Variants in EIF4EBP1 observed in about 807,000 individuals in gnomAD.
EIF4EBP1 encodes the protein eukaryotic translation initiation factor 4E binding protein 1, also known as eukaryotic translation initiation factor 4E-binding protein 1.
A neutral mutation model predicts 9.2 loss-of-function variants in EIF4EBP1; 5 were observed. The observed-to-expected ratio is 0.54, with a 90% confidence interval of 0.28 to 1.14. EIF4EBP1 has a LOEUF of 1.14. EIF4EBP1 is among the 50% of genes most tolerant of loss of function. The probability of loss-of-function intolerance (pLI) is 0.09; values close to 1 mark genes in which losing one functional copy is unlikely to be tolerated. For synonymous variants in EIF4EBP1, 62 were observed against 67.0 expected (o/e 0.93, Z 0.36); for missense variants, 139 against 169.6 (o/e 0.82, Z 1.00).
rs762244825 is a variant in EIF4EBP1 at position 38,060,316 on chromosome 8, C to T, written c.*381C>T. 3 of 315,006 alleles carry T rather than the reference C, an allele frequency of 9.5e-6. No individual in the cohort carries two copies. Among genetic ancestry groups the T allele is most frequent in the East Asian group, 7.3e-5 (1 of 13,618 alleles). The allele number at this position is 315,006 out of a possible 1,614,324, so 19.5% of individuals were successfully genotyped here. ...ATGTGCTTGGGAAAGCTCCCTCCCC[C>T]TCCTTCCCCAAGAGAGGAAATAAAA... On this transcript the variant is annotated 3_prime_UTR_variant, in exon 3 of 3. Transcript: ENST00000338825.
intron 1 of EIF4EBP1, among the ~76,000 whole-genome samples, chr8:38,049,663 G>C (rs1006120223): frequency 6.6e-6 from 1 of 151,766 alleles, no homozygotes; most frequent in Admixed American, 6.6e-5. Flanking sequence ...TGTATTTTTA[G>C]TAGAGATGGG....
chr8:38,049,657 T>C (rs1276291482), intron 1 of EIF4EBP1, among the ~76,000 whole-genome samples: 2 of 151,914 alleles, frequency 1.3e-5, no homozygotes, highest in Non-Finnish European at 2.9e-5. Flanking sequence ...AATTTTTGTA[T>C]TTTTAGTAGA....
intron 1 of EIF4EBP1, among the ~76,000 whole-genome samples, chr8:38,054,971 C>T (rs1199294511): frequency 2.0e-5 from 3 of 152,168 alleles, no homozygotes; most frequent in Non-Finnish European, 2.9e-5. Context: ...TGGTTCTTTA[C>T]ACCCCTCCTC....
chr8:38,049,834 T>C (rs1379401467), intron 1 of EIF4EBP1, among the ~76,000 whole-genome samples: 8 of 152,098 alleles, frequency 5.3e-5, no homozygotes, highest in Non-Finnish European at 7.4e-5. Context: ...CTTTTCTCCT[T>C]CTGGACTTCC....
chr8:38,057,156 A>T lies in EIF4EBP1; in HGVS notation c.221A>T (p.Asp74Val). ...NSPVTKTPPRDLPTIPGVTSP... is the reference protein window; with the variant it reads ...NSPVTKTPPRVLPTIPGVTSP... ...CCTGTGACCAAAACACCCCCAAGGGATCTGCCCACCATTCCGGGGGTCACC... is the reference window on the plus strand; with the variant it reads ...CCTGTGACCAAAACACCCCCAAGGGTTCTGCCCACCATTCCGGGGGTCACC... The change falls in exon 2 of 3, where the codon GAT becomes GTT. Residue 74 changes from aspartate to valine, a missense_variant. By Grantham distance (152) the Asp-to-Val change is radical. Transcript: ENST00000338825. 1.2e-6 allele frequency: 2 copies of T among 1,614,232 alleles called. No individual in the cohort carries two copies. The highest frequency in any genetic ancestry group is 2.2e-5 in the East Asian group (1 of 44,886).
At position 38,060,037 on chromosome 8, in the gene EIF4EBP1, C is replaced by T. The variant is rs532528481; in HGVS notation, c.*102C>T. 14 of 1,257,658 alleles carry T rather than the reference C, an allele frequency of 1.1e-5. No individual in the cohort carries two copies. The East Asian group carries it at 1.4e-4, about 12-fold the overall frequency. 77.9% of individuals were successfully genotyped at this position (1,257,658 alleles called of 1,614,324 possible). On this transcript the variant is annotated 3_prime_UTR_variant, in exon 3 of 3. Coordinates refer to ENST00000338825, the MANE Select transcript of EIF4EBP1 (RefSeq NM_004095.4). ...TATGAAAGTGATCATACTGGGCAGGCGTTGGCGTGGGGTCGGACACCCCAG... is the reference window on the plus strand; with the variant it reads ...TATGAAAGTGATCATACTGGGCAGGTGTTGGCGTGGGGTCGGACACCCCAG...
At position 38,058,115 on chromosome 8, in the gene EIF4EBP1, G is replaced by A. The variant is rs560738105; in HGVS notation, c.325+855G>A. Among the ~76,000 whole-genome samples the A allele has an allele frequency of 2.6e-5, 4 of 152,232 alleles. No homozygotes were observed. In the South Asian group the frequency reaches 6.2e-4, roughly 24 times the overall value. ...GCAGGACATGATTCATAATTACCTT[G>A]GGAACCTCACAGTACAAGACAGACA... is the stretch of plus-strand genomic sequence containing the variant. On this transcript the variant is annotated intron_variant, in intron 2 of 2. Transcript: ENST00000338825.
intron 1 of EIF4EBP1, among the ~76,000 whole-genome samples, chr8:38,049,817 A>C (rs2130393191): frequency 6.6e-6 from 1 of 151,786 alleles, no homozygotes; most frequent in Non-Finnish European, 1.5e-5. Context: ...CCCTTTTATT[A>C]GTTTCTCTTT....
Position 38,030,714 on chromosome 8 carries a change from G to C in EIF4EBP1, c.141G>C (p.Pro47=), listed in dbSNP as rs1771987667. The C allele has an allele frequency of 1.4e-6, 2 of 1,400,700 alleles. No homozygotes were observed. Among genetic ancestry groups the C allele is most frequent in the South Asian group, 1.6e-5 (1 of 64,134 alleles). The allele number at this position is 1,400,700 out of a possible 1,614,324, so 86.8% of individuals were successfully genotyped here. A position where few individuals can be genotyped will look rare whatever the true frequency, so the allele number is the denominator to read the frequency against. The change falls in exon 1 of 3, where the codon CCG becomes CCC. Residue 47 remains proline (P), a synonymous_variant. Coordinates refer to ENST00000338825, the MANE Select transcript of EIF4EBP1 (RefSeq NM_004095.4). ...TPGGTLFSTT[P]GGTRIIYDRK... ...GCGGCACGCTCTTCAGCACCACCCC[G>C]GGAGGTAGGCGCGGGCTTGGCGACG...
chr8:38,043,351 C>A (rs1585525490), intron 1 of EIF4EBP1, among the ~76,000 whole-genome samples: 1 of 150,414 alleles, frequency 6.6e-6, no homozygotes, highest in African/African-American at 2.5e-5. Context: ...ATTTTCTTTT[C>A]TTTTCTTTTC....
At chr8:38,048,712 C>T (rs1489944496) in intron 1 of EIF4EBP1, among the ~76,000 whole-genome samples, 4 of 152,180 alleles carry the variant, frequency 2.6e-5, no homozygotes, top group Admixed American at 6.6e-5. Flanking sequence ...CAGTGGCTCA[C>T]ACCTGTAATC....
intron 1 of EIF4EBP1, among the ~76,000 whole-genome samples, chr8:38,055,481 G>T (rs1809582843): frequency 6.6e-6 from 1 of 151,928 alleles, no homozygotes; most frequent in African/African-American, 2.4e-5. Context: ...CCAAACTTGG[G>T]TTATTCATAT....
intron 1 of EIF4EBP1, among the ~76,000 whole-genome samples, chr8:38,039,174 G>A (rs1485584916): frequency 6.6e-6 from 1 of 152,024 alleles, no homozygotes. Flanking sequence ...TTACAGGCGT[G>A]AGCCACCACA....
At chr8:38,037,647 T>C (rs1809323238) in intron 1 of EIF4EBP1, among the ~76,000 whole-genome samples, 1 of 151,988 alleles carries the variant, frequency 6.6e-6, no homozygotes, top group Admixed American at 6.6e-5. Context: ...CAGGCCTGAG[T>C]CTCCGCTGGC....
intron 1 of EIF4EBP1, among the ~76,000 whole-genome samples, chr8:38,050,555 G>A (rs1289083864): frequency 6.6e-6 from 1 of 152,098 alleles, no homozygotes; most frequent in African/African-American, 2.4e-5. Flanking sequence ...TTACCGTGTT[G>A]CTCAGGCTGG....
intron 1 of EIF4EBP1, among the ~76,000 whole-genome samples, chr8:38,049,246 G>A (rs998766064): frequency 6.6e-6 from 1 of 152,056 alleles, no homozygotes; most frequent in Non-Finnish European, 1.5e-5. Flanking sequence ...GATTGTGAAG[G>A]CGTCAAGGCA....
At chr8:38,057,371 C>G in intron 2 of EIF4EBP1, 111 bp downstream of exon 2, 1 of 1,316,142 alleles carries the variant, frequency 7.6e-7, no homozygotes, top group South Asian at 1.5e-5. Context: ...GGGACTCTGC[C>G]CTACCCTCTA....
intron 1 of EIF4EBP1, among the ~76,000 whole-genome samples, chr8:38,040,344 A>G (rs1388118226): frequency 6.6e-6 from 1 of 152,200 alleles, no homozygotes; most frequent in African/African-American, 2.4e-5. Context: ...GCTCCATGTA[A>G]TCTGATGGTT....
chr8:38,056,040 G>A (rs1344635589), intron 1 of EIF4EBP1, among the ~76,000 whole-genome samples: 2 of 151,364 alleles, frequency 1.3e-5, no homozygotes, highest in African/African-American at 2.4e-5. Context: ...TTTTTTTTTG[G>A]AACTGTCTTT....
Sources: gnomAD v4.1 joint callset for allele counts (sites outside exome capture counted in the v4.1 genomes callset) on GRCh38, gnomAD v4.1.1 for gene constraint, MANE v1.5 for transcripts, NCBI Gene and HGNC (gene_info 2026-07-23, HGNC 2026-07-21) for gene names.